CCDC91: variants seen among roughly 807,000 people sequenced by gnomAD.
CCDC91 encodes coiled-coil domain-containing protein 91.
A neutral mutation model predicts 63.2 loss-of-function variants in CCDC91; 48 were observed. The observed-to-expected ratio is 0.76, with a 90% CI of 0.60 to 0.97. The LOEUF (loss-of-function observed/expected upper bound fraction) is 0.97, where lower values mean the gene tolerates loss of function less well. CCDC91 is among the 50% of genes least tolerant of loss of function. The probability of loss-of-function intolerance (pLI) is 0.00; values close to 1 mark genes in which losing one functional copy is unlikely to be tolerated. For missense variants in CCDC91, 500 were observed against 494.6 expected, an observed-to-expected ratio of 1.01 and a Z score of -0.10; for synonymous variants, 167 against 165.8, an observed-to-expected ratio of 1.01 and a Z score of -0.06.
chr12:28,402,866 AT>A (rs1946724746), intron 8 of CCDC91, among the ~76,000 whole-genome samples: 1 of 152,002 alleles, frequency 6.6e-6, no homozygotes, highest in Non-Finnish European at 1.5e-5. Context: ...CGTGTGTTGG[AT>A]TTTTGTAAAG....
At chr12:28,412,361 A>G (rs1441003786) in intron 8 of CCDC91, among the ~76,000 whole-genome samples, 9 of 152,158 alleles carry the variant, frequency 5.9e-5, no homozygotes, top group African/African-American at 2.2e-4. Flanking sequence ...CCAAAATATG[A>G]AGAATTGTTG....
chr12:28,363,665 C>T (rs2138609600), intron 7 of CCDC91, among the ~76,000 whole-genome samples: 1 of 152,096 alleles, frequency 6.6e-6, no homozygotes, highest in South Asian at 2.1e-4. Flanking sequence ...AGGTGGATCA[C>T]AGGAGATCGA....
intron 8 of CCDC91, among the ~76,000 whole-genome samples, chr12:28,402,449 A>G (rs555209430): frequency 6.6e-6 from 1 of 151,994 alleles, no homozygotes; most frequent in South Asian, 2.1e-4. Context: ...GATATATAAG[A>G]AAGTATTTGA....
At chr12:28,371,952 T>G (rs1348106730) in intron 7 of CCDC91, among the ~76,000 whole-genome samples, 2 of 152,204 alleles carry the variant, frequency 1.3e-5, no homozygotes, top group African/African-American at 4.8e-5. Context: ...ATTTTCTTCT[T>G]CAAATTTTAT....
Position 28,482,476 on chromosome 12 carries a change from G to A in CCDC91, c.1102-1576G>A, listed in dbSNP as rs868524140. Among the ~76,000 whole-genome samples, 26 of 151,928 alleles carry A rather than the reference G, an allele frequency of 1.7e-4. No homozygotes were observed. In the South Asian group the frequency reaches 5.4e-3, roughly 32 times the overall value. On this transcript the variant is annotated intron_variant, in intron 11 of 12. Coordinates refer to ENST00000536442, the MANE Select transcript of CCDC91 (RefSeq NM_018318.5). ...TTATAAGGAAGGGAATAAAAAATAA[G>A]TATACCAATATTAAAGTGATAGATG... is the stretch of plus-strand genomic sequence containing the variant.
At chr12:28,406,482 A>C (rs1352376278) in intron 8 of CCDC91, among the ~76,000 whole-genome samples, 1 of 152,124 alleles carries the variant, frequency 6.6e-6, no homozygotes, top group African/African-American at 2.4e-5. Flanking sequence ...TTGTTTTCTT[A>C]TGATTGAGTT....
chr12:28,351,613 G>C (rs1461645933), intron 6 of CCDC91, among the ~76,000 whole-genome samples: 1 of 151,894 alleles, frequency 6.6e-6, no homozygotes, highest in Admixed American at 6.6e-5. Flanking sequence ...TGCACCGGTG[G>C]CTCAAGCTAT....
intron 12 of CCDC91, among the ~76,000 whole-genome samples, chr12:28,520,190 G>A (rs1312225506): frequency 1.3e-5 from 2 of 152,190 alleles, no homozygotes; most frequent in Non-Finnish European, 2.9e-5. Flanking sequence ...CCCACCAACA[G>A]TGTAAAAGTT....
At chr12:28,526,598 A>G (rs1394133764) in intron 12 of CCDC91, among the ~76,000 whole-genome samples, 1 of 152,038 alleles carries the variant, frequency 6.6e-6, no homozygotes, top group African/African-American at 2.4e-5. Flanking sequence ...TTATCTTTTT[A>G]TGATGAATTT....
chr12:28,516,002 A>G (rs1945929604), intron 12 of CCDC91, among the ~76,000 whole-genome samples: 1 of 151,974 alleles, frequency 6.6e-6, no homozygotes, highest in Non-Finnish European at 1.5e-5. Context: ...TAATAAGTTC[A>G]CAGAAGTATT....
At chr12:28,534,724 C>T (rs1942014406) in intron 12 of CCDC91, among the ~76,000 whole-genome samples, 1 of 152,104 alleles carries the variant, frequency 6.6e-6, no homozygotes, top group Non-Finnish European at 1.5e-5. Context: ...TAGACTAATC[C>T]ATGAACTAAT....
At chr12:28,477,543 T>C (rs1375740672) in intron 11 of CCDC91, among the ~76,000 whole-genome samples, 1 of 152,134 alleles carries the variant, frequency 6.6e-6, no homozygotes, top group Non-Finnish European at 1.5e-5. Flanking sequence ...AGCATTCCAT[T>C]TGAAAACTGG....
At chr12:28,461,867 C>T (rs922940424) in intron 11 of CCDC91, among the ~76,000 whole-genome samples, 4 of 151,988 alleles carry the variant, frequency 2.6e-5, no homozygotes, top group African/African-American at 7.2e-5. Flanking sequence ...AGGATGGCCA[C>T]CGTTGTTGCT....
At chr12:28,363,889 A>G (rs1165681957) in intron 7 of CCDC91, among the ~76,000 whole-genome samples, 1 of 150,772 alleles carries the variant, frequency 6.6e-6, no homozygotes, top group Non-Finnish European at 1.5e-5. Context: ...AAAAAAAAAA[A>G]AAAAAAAAAG....
At chr12:28,528,238 ATGCCT>A (rs1941441515) in intron 12 of CCDC91, among the ~76,000 whole-genome samples, 1 of 152,020 alleles carries the variant, frequency 6.6e-6, no homozygotes, top group African/African-American at 2.4e-5. Flanking sequence ...AAGGCAGAAA[ATGCCT>A]TGCTAGGGGA....
At chr12:28,448,727 A>G (rs113794775) in intron 8 of CCDC91, among the ~76,000 whole-genome samples, 1 of 152,036 alleles carries the variant, frequency 6.6e-6, no homozygotes, top group African/African-American at 2.4e-5. Flanking sequence ...TTTTAATTCT[A>G]AACATTTTTG....
At chr12:28,276,315 G>C (rs1948222821) in intron 3 of CCDC91, among the ~76,000 whole-genome samples, 1 of 151,832 alleles carries the variant, frequency 6.6e-6, no homozygotes, top group Non-Finnish European at 1.5e-5. Flanking sequence ...TAGTACTGTT[G>C]AATAAACCTG....
intron 7 of CCDC91, among the ~76,000 whole-genome samples, chr12:28,386,957 G>GT (rs1197048910): frequency 2.0e-5 from 3 of 151,940 alleles, no homozygotes; most frequent in Non-Finnish European, 4.4e-5. Flanking sequence ...TTTTAATGTT[G>GT]TAGAAGCTCA....
At chr12:28,353,136 A>G (rs1943293068) in intron 6 of CCDC91, among the ~76,000 whole-genome samples, 1 of 152,212 alleles carries the variant, frequency 6.6e-6, no homozygotes, top group South Asian at 2.1e-4. Context: ...TTCCTTCAAC[A>G]TCATGAACCA....
Sources: allele counts gnomAD v4.1 joint callset (sites outside exome capture counted in the v4.1 genomes callset), GRCh38; gene constraint gnomAD v4.1.1; transcripts MANE v1.5; gene names NCBI Gene and HGNC (gene_info 2026-07-23, HGNC 2026-07-21).